Variants in PRKCB observed in about 807,000 individuals in gnomAD.
The protein encoded by PRKCB is protein kinase C beta type.
PRKCB carries 13 observed loss-of-function variants against 81.5 expected under a neutral mutation model. The ratio of observed to expected loss-of-function variants is 0.16; its 90% confidence interval spans 0.10 to 0.25. PRKCB has a LOEUF of 0.25. Among genes scored for constraint, PRKCB ranks in the 10% least tolerant of loss-of-function variants. PRKCB has a pLI of 1.00. For missense variants in PRKCB, 509 were observed against 875.7 expected, an observed-to-expected ratio of 0.58 and a Z score of 5.29; for synonymous variants, 335 against 321.4, an observed-to-expected ratio of 1.04 and a Z score of -0.45.
chr16:24,130,271 A>G (rs1479048896), intron 9 of PRKCB, among the ~76,000 whole-genome samples: 3 of 152,238 alleles, frequency 2.0e-5, no homozygotes, highest in Non-Finnish European at 4.4e-5. Flanking sequence ...TTAAAAAATC[A>G]CACAGGCATG....
At position 24,056,382 on chromosome 16, in the gene PRKCB, ATGTCT is replaced by A. The variant is rs1555493711; in HGVS notation, c.529+20841_529+20845del. Reference sequence around the variant, plus strand: ...TGGGCAGACTGACATTGGGATTGAAATGTCTTGTCTCCAGCGTTCTTGAATAGGGG... The same window carrying A: ...TGGGCAGACTGACATTGGGATTGAAATGTCTCCAGCGTTCTTGAATAGGGG... On this transcript the variant is annotated intron_variant, in intron 5 of 16. Transcript: ENST00000643927. 1.2e-4 allele frequency among the ~76,000 whole-genome samples: 18 copies of A among 152,338 alleles called. No individual in the cohort carries two copies. The South Asian group carries it at 3.5e-3, about 30-fold the overall frequency.
chr16:24,200,590 G>A (rs1967942626), intron 16 of PRKCB, among the ~76,000 whole-genome samples: 2 of 152,316 alleles, frequency 1.3e-5, no homozygotes, highest in South Asian at 4.1e-4. Context: ...GAAGTCCAAG[G>A]GTGAGGGGCT....
intron 5 of PRKCB, among the ~76,000 whole-genome samples, chr16:24,048,974 C>T (rs17812348): frequency 0.21 from 30,654 of 149,412 alleles, 3,206 homozygotes; most frequent in Middle Eastern, 0.28. Context: ...CTGTTTTGCT[C>T]CTTTGGGAGT....
At chr16:24,209,288 C>T (rs966356395) in intron 16 of PRKCB, among the ~76,000 whole-genome samples, 4 of 151,484 alleles carry the variant, frequency 2.6e-5, no homozygotes, top group African/African-American at 9.8e-5. Flanking sequence ...ACCATCACCT[C>T]TTTGTTGTCT....
intron 2 of PRKCB, among the ~76,000 whole-genome samples, chr16:23,942,229 A>T (rs1351613286): frequency 1.3e-5 from 2 of 152,252 alleles, no homozygotes; most frequent in African/African-American, 4.8e-5. Flanking sequence ...CTACAGAGGG[A>T]AGTGTAGGAA....
intron 2 of PRKCB, among the ~76,000 whole-genome samples, chr16:23,921,020 G>T (rs1567314386): frequency 6.6e-6 from 1 of 152,130 alleles, no homozygotes. Flanking sequence ...GCATGTGCAG[G>T]GGAACTCCCA....
At chr16:23,850,112 T>C (rs556952798) in intron 2 of PRKCB, among the ~76,000 whole-genome samples, 1 of 152,332 alleles carries the variant, frequency 6.6e-6, no homozygotes, top group East Asian at 1.9e-4. Context: ...CATAATGTCC[T>C]CCAGATTCAT....
At chr16:23,868,106 G>A (rs1160555210) in intron 2 of PRKCB, among the ~76,000 whole-genome samples, 1 of 152,108 alleles carries the variant, frequency 6.6e-6, no homozygotes, top group Non-Finnish European at 1.5e-5. Context: ...CTTGTGAACT[G>A]AAGGCTGAAA....
At chr16:23,896,230 A>T (rs541533916) in intron 2 of PRKCB, among the ~76,000 whole-genome samples, 84 of 152,318 alleles carry the variant, frequency 5.5e-4, no homozygotes, top group African/African-American at 1.9e-3. Flanking sequence ...CACATGCATT[A>T]TTTCATGCAA....
intron 2 of PRKCB, among the ~76,000 whole-genome samples, chr16:23,904,974 G>T (rs924308429): frequency 1.3e-5 from 2 of 151,608 alleles, no homozygotes; most frequent in African/African-American, 4.8e-5. Flanking sequence ...AGCATGCCTG[G>T]TGTTTCTGGT....
chr16:24,196,334 A>G (rs1967877958), intron 16 of PRKCB, among the ~76,000 whole-genome samples: 1 of 152,238 alleles, frequency 6.6e-6, no homozygotes, highest in African/African-American at 2.4e-5. Flanking sequence ...TCTTATGTAC[A>G]GCAGGGTATC....
chr16:24,198,322 G>T, intron 16 of PRKCB, among the ~76,000 whole-genome samples: 1 of 152,120 alleles, frequency 6.6e-6, no homozygotes, highest in Non-Finnish European at 1.5e-5. Context: ...CCTCTGAAAG[G>T]CTCCCATAGT....
intron 5 of PRKCB, among the ~76,000 whole-genome samples, chr16:24,051,479 C>T (rs1384733179): frequency 2.0e-5 from 3 of 152,096 alleles, no homozygotes; most frequent in Non-Finnish European, 2.9e-5. Context: ...ATGAAAGGTG[C>T]GCTTGCAGGT....
chr16:23,924,195 C>A (rs188647205), intron 2 of PRKCB, among the ~76,000 whole-genome samples: 1 of 152,020 alleles, frequency 6.6e-6, no homozygotes, highest in Non-Finnish European at 1.5e-5. Context: ...GGCTCCTCCC[C>A]CTTCACTCCT....
At chr16:23,908,600 C>T (rs1244944667) in intron 2 of PRKCB, among the ~76,000 whole-genome samples, 2 of 152,082 alleles carry the variant, frequency 1.3e-5, no homozygotes, top group Non-Finnish European at 1.5e-5. Context: ...GGCGCCATCT[C>T]GGCTCACTGC....
At chr16:23,898,628 G>A (rs1963418124) in intron 2 of PRKCB, among the ~76,000 whole-genome samples, 1 of 152,174 alleles carries the variant, frequency 6.6e-6, no homozygotes, top group African/African-American at 2.4e-5. Context: ...ACAAAATGAA[G>A]TTTAAACAAA....
At chr16:24,122,449 C>CTTT (rs35364143) in intron 8 of PRKCB, among the ~76,000 whole-genome samples, 1,226 of 97,618 alleles carry the variant, frequency 0.013, 87 homozygotes, top group East Asian at 0.026. Flanking sequence ...TACCACGAGG[C>CTTT]TTTTTTTTTT....
At chr16:23,986,186 C>A (rs955932102) in intron 2 of PRKCB, among the ~76,000 whole-genome samples, 5 of 152,162 alleles carry the variant, frequency 3.3e-5, no homozygotes, top group Admixed American at 2.6e-4. Context: ...CTTGGACTGT[C>A]TTTCTTTGTC....
intron 2 of PRKCB, among the ~76,000 whole-genome samples, chr16:23,945,047 G>A (rs1035597277): frequency 3.3e-5 from 5 of 152,166 alleles, no homozygotes; most frequent in Admixed American, 1.3e-4. Context: ...AGAGACCAGA[G>A]ATCAAGAAGC....
Sources: gnomAD v4.1 joint callset for allele counts (sites outside exome capture counted in the v4.1 genomes callset) on GRCh38, gnomAD v4.1.1 for gene constraint, MANE v1.5 for transcripts, NCBI Gene and HGNC (gene_info 2026-07-23, HGNC 2026-07-21) for gene names.